The following GPC4 variants were observed in gnomAD, a reference collection of about 807,000 sequenced individuals.
GPC4 encodes glypican 4.
GPC4 carries 10 observed loss-of-function variants against 35.0 expected under a neutral mutation model. The observed-to-expected ratio is 0.29, with a 90% CI of 0.18 to 0.48. The LOEUF (loss-of-function observed/expected upper bound fraction) is 0.48. Ranked by LOEUF, GPC4 falls within the 20% of genes least tolerant of loss-of-function variation. The probability of loss-of-function intolerance (pLI) is 0.99; values close to 1 mark genes in which losing one functional copy is unlikely to be tolerated. For missense variants in GPC4, 322 were observed against 451.3 expected (o/e 0.71, Z 2.60); for synonymous variants, 167 against 170.2 (o/e 0.98, Z 0.15).
intron 1 of GPC4, among the ~76,000 whole-genome samples, chrX:133,379,476 G>A (rs1204922640): frequency 8.9e-6 from 1 of 112,007 alleles, no homozygotes; most frequent in Non-Finnish European, 1.9e-5. Flanking sequence ...TCACGAAAAT[G>A]TTCTAGAACT....
intron 1 of GPC4, among the ~76,000 whole-genome samples, chrX:133,407,600 A>G (rs879060799): frequency 9.0e-6 from 1 of 111,557 alleles, no homozygotes; most frequent in Non-Finnish European, 1.9e-5. Context: ...TTCTCCCTAG[A>G]TAGGTTGGAC....
chrX:133,315,102 G>A (rs1346257426), intron 3 of GPC4, among the ~76,000 whole-genome samples: 1 of 102,706 alleles, frequency 9.7e-6, no homozygotes, highest in Non-Finnish European at 2.0e-5. Context: ...GACAAGAAGT[G>A]TTTGGGTTTT....
At chrX:133,409,054 C>T (rs1297454038) in intron 1 of GPC4, among the ~76,000 whole-genome samples, 1 of 108,839 alleles carries the variant, frequency 9.2e-6, no homozygotes, top group Non-Finnish European at 1.9e-5. Context: ...ACTCGGGAGG[C>T]TGAGGCAAGA....
At chrX:133,375,259 A>G (rs1033406984) in intron 1 of GPC4, among the ~76,000 whole-genome samples, 5 of 111,594 alleles carry the variant, frequency 4.5e-5, no homozygotes, top group African/African-American at 1.6e-4. Flanking sequence ...CCTCTGGGAA[A>G]CAATGCTAAT....
At chrX:133,397,023 A>G (rs1210918629) in intron 1 of GPC4, among the ~76,000 whole-genome samples, 9 of 112,220 alleles carry the variant, frequency 8.0e-5, no homozygotes, top group Non-Finnish European at 1.7e-4. Context: ...ATCTCATTGT[A>G]TATTACTTCA....
intron 3 of GPC4, among the ~76,000 whole-genome samples, chrX:133,316,848 A>G (rs2068340728): frequency 8.9e-6 from 1 of 112,400 alleles, no homozygotes; most frequent in South Asian, 3.7e-4. Context: ...TCACTTGAAC[A>G]AAACCAACCA....
intron 2 of GPC4, among the ~76,000 whole-genome samples, chrX:133,337,069 G>A (rs1300500712): frequency 9.0e-6 from 1 of 111,487 alleles, no homozygotes; most frequent in South Asian, 3.8e-4. Flanking sequence ...TCTGCCCGCC[G>A]TGGCCTCCCA....
intron 2 of GPC4, among the ~76,000 whole-genome samples, chrX:133,336,529 C>T (rs780548699): frequency 1.8e-4 from 20 of 110,660 alleles, no homozygotes; most frequent in African/African-American, 6.6e-4. Context: ...AGCAAGGCTC[C>T]ATCTCAAAAC....
chrX:133,337,887 A>G (rs1475876151), intron 2 of GPC4, among the ~76,000 whole-genome samples: 3 of 110,491 alleles, frequency 2.7e-5, no homozygotes, highest in Admixed American at 9.8e-5. Flanking sequence ...GATATGGGTA[A>G]TAAGAAGGAT....
chrX:133,362,370 C>T (rs896751990), intron 1 of GPC4, among the ~76,000 whole-genome samples: 1 of 111,453 alleles, frequency 9.0e-6, no homozygotes, highest in African/African-American at 3.3e-5. Context: ...CTGTGCCCTA[C>T]ATGTAACATA....
intron 1 of GPC4, among the ~76,000 whole-genome samples, chrX:133,347,176 T>G (rs1202741787): frequency 9.8e-6 from 1 of 102,502 alleles, no homozygotes; most frequent in African/African-American, 3.5e-5. Flanking sequence ...AACGGGATAC[T>G]GGGGGTGAGA....
intron 1 of GPC4, among the ~76,000 whole-genome samples, chrX:133,354,848 G>A (rs957891345): frequency 9.0e-6 from 1 of 111,320 alleles, no homozygotes; most frequent in Non-Finnish European, 1.9e-5. Context: ...GATTACAGGC[G>A]TGAGCCACCG....
At chrX:133,311,163 A>T in intron 4 of GPC4, 95 bp downstream of exon 4, 1 of 940,475 alleles carries the variant, frequency 1.1e-6, no homozygotes, top group Non-Finnish European at 1.5e-6. Context: ...GCAAACACTT[A>T]AACAAACAAA....
intron 1 of GPC4, among the ~76,000 whole-genome samples, chrX:133,366,861 T>C (rs1263661452): frequency 2.7e-5 from 3 of 111,994 alleles, no homozygotes; most frequent in Non-Finnish European, 5.6e-5. Context: ...ATCAATCAGA[T>C]TGCAAGCCAA....
At chrX:133,364,566 A>T (rs140686106) in intron 1 of GPC4, among the ~76,000 whole-genome samples, 41 of 112,490 alleles carry the variant, frequency 3.6e-4, no homozygotes, top group African/African-American at 1.2e-3. Context: ...AACACACTTA[A>T]ATTTAGTCAC....
chrX:133,331,290 T>A (rs920063416), intron 2 of GPC4, among the ~76,000 whole-genome samples: 2 of 111,372 alleles, frequency 1.8e-5, no homozygotes, highest in Non-Finnish European at 3.8e-5. Flanking sequence ...GGCTTTAGCA[T>A]GCCCAGAGTT....
intron 1 of GPC4, among the ~76,000 whole-genome samples, chrX:133,388,910 A>G (rs989189359): frequency 1.8e-5 from 2 of 108,406 alleles, no homozygotes; most frequent in Non-Finnish European, 3.8e-5. Context: ...TCCTGGGCTC[A>G]AGTGATCCTT....
intron 1 of GPC4, among the ~76,000 whole-genome samples, chrX:133,398,148 G>A (rs1277076161): frequency 1.8e-5 from 2 of 111,188 alleles, no homozygotes; most frequent in African/African-American, 6.5e-5. Context: ...TTTAAAGTAG[G>A]GCTCACCTTA....
chrX:133,336,816 A>G (rs2068446260), intron 2 of GPC4, among the ~76,000 whole-genome samples: 2 of 108,867 alleles, frequency 1.8e-5, no homozygotes, highest in Non-Finnish European at 3.8e-5. Flanking sequence ...GTTATATTAT[A>G]TTATTTTATT....
Sources: allele counts gnomAD v4.1 joint callset (sites outside exome capture counted in the v4.1 genomes callset), GRCh38; gene constraint gnomAD v4.1.1; transcripts MANE v1.5; gene names NCBI Gene and HGNC (gene_info 2026-07-23, HGNC 2026-07-21).